DLG2: variants seen among roughly 807,000 people sequenced by gnomAD.
DLG2 encodes the protein discs large MAGUK scaffold protein 2.
DLG2 carries 45 observed loss-of-function variants against 132.5 expected under a neutral mutation model. The observed-to-expected ratio is 0.34, with a 90% CI of 0.27 to 0.44. The LOEUF (loss-of-function observed/expected upper bound fraction) is 0.44, where lower values mean the gene tolerates loss of function less well. Ranked by LOEUF, DLG2 falls within the 20% of genes least tolerant of loss-of-function variation. The pLI, the probability that DLG2 is intolerant of heterozygous loss-of-function variation, is 1.00. For missense variants in DLG2, 1,045 were observed against 1,196.9 expected (o/e 0.87, Z 1.87); for synonymous variants, 424 against 419.6 (o/e 1.01, Z -0.13).
chr11:85,181,416 T>A (rs1233399449), intron 4 of DLG2, among the ~76,000 whole-genome samples: 2 of 151,784 alleles, frequency 1.3e-5, no homozygotes, highest in South Asian at 4.1e-4. Flanking sequence ...GAATTGGAGA[T>A]GGAGTTTTTT....
At chr11:84,751,179 C>G (rs559727707) in intron 6 of DLG2, among the ~76,000 whole-genome samples, 5 of 152,100 alleles carry the variant, frequency 3.3e-5, no homozygotes, top group Non-Finnish European at 5.9e-5. Context: ...ACTTAAAGTT[C>G]CAAGTCAGAA....
intron 19 of DLG2, among the ~76,000 whole-genome samples, chr11:83,601,742 C>T (rs992061253): frequency 1.3e-5 from 2 of 151,528 alleles, no homozygotes; most frequent in Non-Finnish European, 2.9e-5. Context: ...GGGCTGATCT[C>T]GAACTCCTGG....
intron 18 of DLG2, among the ~76,000 whole-genome samples, chr11:83,699,373 A>C (rs917885092): frequency 1.3e-5 from 2 of 152,108 alleles, no homozygotes; most frequent in Non-Finnish European, 2.9e-5. Flanking sequence ...CTGATACATA[A>C]AGATCTCCAA....
At chr11:85,125,753 A>C (rs1594595705) in intron 5 of DLG2, among the ~76,000 whole-genome samples, 1 of 152,006 alleles carries the variant, frequency 6.6e-6, no homozygotes, top group Non-Finnish European at 1.5e-5. Context: ...GGTTGGTCTA[A>C]AGACTAAACG....
At chr11:84,498,269 A>G (rs1186596413) in intron 7 of DLG2, among the ~76,000 whole-genome samples, 1 of 152,202 alleles carries the variant, frequency 6.6e-6, no homozygotes, top group Admixed American at 6.5e-5. Context: ...ATGATGAGTA[A>G]GAAACTGAGA....
intron 4 of DLG2, among the ~76,000 whole-genome samples, chr11:85,267,806 T>C (rs2077304908): frequency 6.6e-6 from 1 of 152,168 alleles, no homozygotes; most frequent in Non-Finnish European, 1.5e-5. Flanking sequence ...GAACATTATT[T>C]CTCTACTCTA....
intron 6 of DLG2, among the ~76,000 whole-genome samples, chr11:85,040,674 C>T (rs941844161): frequency 1.3e-5 from 2 of 151,886 alleles, no homozygotes; most frequent in African/African-American, 4.8e-5. Flanking sequence ...TGTTTAGAAG[C>T]AAACAGCAAA....
At chr11:84,679,492 C>T (rs2099723328) in intron 6 of DLG2, among the ~76,000 whole-genome samples, 1 of 151,576 alleles carries the variant, frequency 6.6e-6, no homozygotes, top group Non-Finnish European at 1.5e-5. Context: ...TAAAATAAAC[C>T]AAGAAAGAAA....
Position 85,465,991 on chromosome 11 carries a change from T to A in DLG2, c.40+132666A>T, listed in dbSNP as rs1033382319. Among the ~76,000 whole-genome samples, 7 of 152,126 alleles carry A rather than the reference T, an allele frequency of 4.6e-5. No individual in the cohort carries two copies. In the South Asian group the frequency reaches 1.0e-3, roughly 23 times the overall value. On this transcript the variant is annotated intron_variant, in intron 3 of 27. Coordinates refer to ENST00000376104, the MANE Select transcript of DLG2 (RefSeq NM_001142699.3). ...TGTTGTTTCCTGACTTTTTAATGAT[T>A]GCCATTCTAACTGGCGTGAGATGGT...
intron 18 of DLG2, among the ~76,000 whole-genome samples, chr11:83,700,734 T>TAA (rs5793084): frequency 0.011 from 1,695 of 151,292 alleles, 28 homozygotes; most frequent in African/African-American, 0.037. Flanking sequence ...GGAATGAAAA[T>TAA]AAAAAAAAAC....
At chr11:84,130,152 A>G (rs1398041913) in intron 9 of DLG2, among the ~76,000 whole-genome samples, 1 of 152,032 alleles carries the variant, frequency 6.6e-6, no homozygotes, top group Non-Finnish European at 1.5e-5. Flanking sequence ...GCCTACCATA[A>G]TTACAATCTC....
At position 85,091,660 on chromosome 11, in the gene DLG2, G is replaced by A. The variant is rs183544879; in HGVS notation, c.357+20001C>T. ...TTGTCGTGTCTACAATGTTCACATC[G>A]TCTTCTTTAGAAGTAAATTTTGTCT... On this transcript the variant is annotated intron_variant, in intron 6 of 27. Coordinates refer to ENST00000376104, the MANE Select transcript of DLG2 (RefSeq NM_001142699.3). Among the ~76,000 whole-genome samples the A allele has an allele frequency of 9.2e-5, 14 of 152,180 alleles. No individual in the cohort carries two copies. The East Asian group carries it at 1.9e-3, about 21-fold the overall frequency.
intron 6 of DLG2, among the ~76,000 whole-genome samples, chr11:84,733,030 C>T (rs2153813849): frequency 6.6e-6 from 1 of 152,236 alleles, no homozygotes; most frequent in East Asian, 1.9e-4. Flanking sequence ...TTTCTTAATC[C>T]AATCTATCAT....
At chr11:84,417,216 T>A (rs973931918) in intron 7 of DLG2, among the ~76,000 whole-genome samples, 14 of 152,216 alleles carry the variant, frequency 9.2e-5, no homozygotes, top group African/African-American at 3.1e-4. Flanking sequence ...TTGTGAACAC[T>A]TTGCTTGGAT....
At chr11:83,654,342 T>A (rs2071629767) in intron 18 of DLG2, among the ~76,000 whole-genome samples, 1 of 152,194 alleles carries the variant, frequency 6.6e-6, no homozygotes, top group Non-Finnish European at 1.5e-5. Flanking sequence ...TTTTATCCCC[T>A]CCTGACAACC....
chr11:83,497,548 A>AAC (rs2094214757), intron 21 of DLG2, among the ~76,000 whole-genome samples: 1 of 148,770 alleles, frequency 6.7e-6, no homozygotes, highest in Non-Finnish European at 1.5e-5. Flanking sequence ...AACAAAAAAC[A>AAC]AAAAACAAAA....
intron 17 of DLG2, among the ~76,000 whole-genome samples, chr11:83,829,854 G>A (rs751416473): frequency 4.6e-5 from 7 of 151,840 alleles, no homozygotes; most frequent in South Asian, 4.2e-4. Flanking sequence ...CCTTTAACTC[G>A]TCATTTACAT....
At chr11:85,217,318 T>TCACACA (rs56718906) in intron 4 of DLG2, among the ~76,000 whole-genome samples, 3,960 of 143,988 alleles carry the variant, frequency 0.028, 72 homozygotes, top group East Asian at 0.047. Context: ...TCTCTCTCTC[T>TCACACA]CACACACACA....
intron 7 of DLG2, among the ~76,000 whole-genome samples, chr11:84,286,053 A>G (rs1220803881): frequency 1.3e-5 from 2 of 152,124 alleles, no homozygotes; most frequent in African/African-American, 2.4e-5. Flanking sequence ...AGACCTAGGA[A>G]TCCATTAACC....
Sources: gnomAD v4.1 joint callset for allele counts (sites outside exome capture counted in the v4.1 genomes callset) on GRCh38, gnomAD v4.1.1 for gene constraint, MANE v1.5 for transcripts, NCBI Gene and HGNC (gene_info 2026-07-23, HGNC 2026-07-21) for gene names.